Variants in POC1B observed in about 807,000 individuals in gnomAD.
POC1B encodes POC1 centriolar protein homolog B.
A neutral mutation model predicts 60.6 loss-of-function variants in POC1B; 44 were observed. The ratio of observed to expected loss-of-function variants is 0.73; its 90% confidence interval spans 0.57 to 0.93. The LOEUF is 0.93. POC1B is among the 40% of genes least tolerant of loss of function. POC1B has a pLI of 0.00. For synonymous variants in POC1B, 180 were observed against 198.9 expected (o/e 0.90, Z 0.80); for missense variants, 555 against 572.3 (o/e 0.97, Z 0.31).
At chr12:89,461,415 T>A (rs1305204700) in intron 9 of POC1B, 1 of 152,186 alleles carries the variant, frequency 6.6e-6, no homozygotes, top group Non-Finnish European at 1.5e-5. Context: ...TTGTCAAGGG[T>A]CAAATTGTGA....
intron 9 of POC1B, chr12:89,460,723 C>T (rs778156302): frequency 3.9e-5 from 6 of 152,056 alleles, no homozygotes; most frequent in Non-Finnish European, 7.4e-5. Context: ...AAGTAAGTTA[C>T]GGAAAATATA....
the POC1B span, among the ~76,000 whole-genome samples, chr12:89,401,792 G>A: frequency 6.6e-6 from 1 of 152,242 alleles, no homozygotes; most frequent in Non-Finnish European, 1.5e-5. Flanking sequence ...TTTGCAAATA[G>A]CATTAGTGAA....
chr12:89,402,116 T>C, the POC1B span, among the ~76,000 whole-genome samples: 1 of 152,246 alleles, frequency 6.6e-6, no homozygotes, highest in Admixed American at 6.5e-5. Context: ...TCCAGTTAAG[T>C]GTTATCTCTC....
intron 10 of POC1B, among the ~76,000 whole-genome samples, chr12:89,442,929 C>CA (rs988227473): frequency 2.0e-5 from 3 of 151,540 alleles, no homozygotes; most frequent in South Asian, 2.1e-4. Context: ...AAATGAAAAA[C>CA]AAAAAAAAGC....
intron 10 of POC1B, among the ~76,000 whole-genome samples, chr12:89,454,565 C>T (rs374920743): frequency 1.3e-5 from 2 of 152,148 alleles, no homozygotes; most frequent in Non-Finnish European, 2.9e-5. Context: ...TCTATCACTG[C>T]TCCCACTCTC....
chr12:89,425,461 T>C, intron 10 of POC1B, 82 bp from the exon 11 acceptor site: 1 of 1,106,760 alleles, frequency 9.0e-7, no homozygotes, highest in Non-Finnish European at 1.3e-6. Flanking sequence ...AATATTCCTC[T>C]TCTAAAAAGC....
downstream of POC1B, among the ~76,000 whole-genome samples, chr12:89,415,953 T>G (rs1489933509): frequency 6.6e-6 from 1 of 152,248 alleles, no homozygotes; most frequent in Non-Finnish European, 1.5e-5. Context: ...TGTCTAAATG[T>G]TTGCCTATCC....
the POC1B span, among the ~76,000 whole-genome samples, chr12:89,410,692 AG>A: frequency 1.3e-5 from 2 of 150,692 alleles, no homozygotes; most frequent in Admixed American, 6.6e-5. Flanking sequence ...AAAAAAAAAA[AG>A]GAAAAAGAAA....
At position 89,467,608 on chromosome 12, in the gene POC1B, T is replaced by C. The variant is rs569968553; in HGVS notation, c.879+9A>G. ...ACCAAATCAAAGAGGAGCTGAAAGATTTACAAACCTGTGTGTCTGCACCTC... is the reference window on the plus strand; with the variant it reads ...ACCAAATCAAAGAGGAGCTGAAAGACTTACAAACCTGTGTGTCTGCACCTC... On this transcript the variant is annotated intron_variant, in intron 8 of 11. Transcript: ENST00000313546. 1.0e-5 allele frequency: 16 copies of C among 1,605,486 alleles called. No individual in the cohort carries two copies. In the South Asian group the frequency reaches 1.2e-4, roughly 12 times the overall value.
At chr12:89,513,435 A>T (rs1054035486) in intron 2 of POC1B, among the ~76,000 whole-genome samples, 3 of 152,224 alleles carry the variant, frequency 2.0e-5, no homozygotes, top group African/African-American at 7.2e-5. Context: ...ATGACAGGAT[A>T]ACCTTGAAGG....
At chr12:89,482,965 C>T (rs1304827828) in intron 4 of POC1B, among the ~76,000 whole-genome samples, 4 of 149,854 alleles carry the variant, frequency 2.7e-5, no homozygotes, top group Non-Finnish European at 5.9e-5. Flanking sequence ...GCTCTTGTTG[C>T]CCAGGCTGGA....
chr12:89,506,134 C>G (rs552817101), intron 2 of POC1B, among the ~76,000 whole-genome samples: 56 of 152,214 alleles, frequency 3.7e-4, no homozygotes, highest in East Asian at 1.7e-3. Context: ...GGATATACCC[C>G]GCCTGGAGCC....
At chr12:89,440,219 G>A (rs1400911120) in intron 10 of POC1B, among the ~76,000 whole-genome samples, 1 of 152,160 alleles carries the variant, frequency 6.6e-6, no homozygotes, top group East Asian at 1.9e-4. Flanking sequence ...GCTCATCTTT[G>A]GTTAGCACAC....
chr12:89,454,778 T>A (rs1882186500), intron 10 of POC1B, among the ~76,000 whole-genome samples: 1 of 152,028 alleles, frequency 6.6e-6, no homozygotes, highest in African/African-American at 2.4e-5. Flanking sequence ...TTTAGATCTG[T>A]GAATTGCCTC....
At chr12:89,501,101 C>T in intron 2 of POC1B, 1 of 1,234,402 alleles carries the variant, frequency 8.1e-7, no homozygotes, top group Non-Finnish European at 1.2e-6. Context: ...CGCACCATAT[C>T]CCCGGCTGAG....
intron 2 of POC1B, chr12:89,501,298 A>C: frequency 9.9e-7 from 1 of 1,013,248 alleles, no homozygotes; most frequent in Non-Finnish European, 1.6e-6. Flanking sequence ...TAGATCTACA[A>C]AATATGAAAT....
chr12:89,431,957 T>C (rs1881048899), intron 10 of POC1B, among the ~76,000 whole-genome samples: 1 of 152,222 alleles, frequency 6.6e-6, no homozygotes, highest in Non-Finnish European at 1.5e-5. Context: ...CCTTAGCCCA[T>C]GGCTGCATCA....
At chr12:89,460,724 G>A (rs895483305) in intron 9 of POC1B, 1 of 151,740 alleles carries the variant, frequency 6.6e-6, no homozygotes, top group African/African-American at 2.4e-5. Context: ...AGTAAGTTAC[G>A]GAAAATATAC....
Position 89,425,352 on chromosome 12 carries a change from G to A in POC1B, c.1141C>T (p.Pro381Ser), listed in dbSNP as rs1379680343. 2.5e-6 allele frequency: 4 copies of A among 1,613,920 alleles called. No individual in the cohort carries two copies. Among genetic ancestry groups the A allele is most frequent in the Non-Finnish European group, 3.4e-6 (4 of 1,179,978 alleles). ...CCACAGGCCTCTTCACCCTTGTCTGGCAGAGTCCTACCACTGGTTTCTGTT... is the reference window on the plus strand; with the variant it reads ...CCACAGGCCTCTTCACCCTTGTCTGACAGAGTCCTACCACTGGTTTCTGTT... ...TTTETSGRTLPDKGEEACGYF... is the reference protein window; with the variant it reads ...TTTETSGRTLSDKGEEACGYF... The change falls in exon 11 of 12, where the codon CCA (proline) becomes TCA (serine). Residue 381 changes from proline to serine, a missense_variant. By Grantham distance (74) the Pro-to-Ser change is moderately conservative. Transcript: ENST00000313546.
Sources: allele counts gnomAD v4.1 joint callset (sites outside exome capture counted in the v4.1 genomes callset), GRCh38; gene constraint gnomAD v4.1.1; transcripts MANE v1.5; gene names NCBI Gene and HGNC (gene_info 2026-07-23, HGNC 2026-07-21).